HEATR5B: variants seen among roughly 807,000 people sequenced by gnomAD.
HEATR5B encodes the protein HEAT repeat-containing protein 5B.
In HEATR5B, 156 loss-of-function variants were observed where a neutral mutation model predicts 224.1. The ratio of observed to expected loss-of-function variants is 0.70; its 90% confidence interval spans 0.61 to 0.80. HEATR5B has a LOEUF of 0.80. Among genes scored for constraint, HEATR5B ranks in the 30% least tolerant of loss-of-function variants. HEATR5B has a pLI of 0.00. For missense variants in HEATR5B, 2,323 were observed against 2,535.5 expected, an observed-to-expected ratio of 0.92 and a Z score of 1.80; for synonymous variants, 1,027 against 893.0, an observed-to-expected ratio of 1.15 and a Z score of -2.68.
intron 18 of HEATR5B, 38 bp downstream of exon 18, chr2:37,049,615 C>T (rs1486746393): frequency 6.6e-7 from 1 of 1,521,536 alleles, no homozygotes; most frequent in African/African-American, 1.4e-5. Context: ...GACATCTTTG[C>T]CTACACATGA....
chr2:36,998,971 T>C (rs1666905567), intron 33 of HEATR5B, among the ~76,000 whole-genome samples: 1 of 152,050 alleles, frequency 6.6e-6, no homozygotes, highest in African/African-American at 2.4e-5. Context: ...TCCCAGCACT[T>C]TGGGAGGCCG....
chr2:36,984,711 A>G (rs941610402), intron 35 of HEATR5B, among the ~76,000 whole-genome samples: 5 of 152,162 alleles, frequency 3.3e-5, no homozygotes, highest in African/African-American at 1.2e-4. Flanking sequence ...GGGGAGCAGA[A>G]AAAATATTTT....
At position 37,046,812 on chromosome 2, in the gene HEATR5B, G is replaced by T. The variant is rs1247648395; in HGVS notation, c.2696+2841C>A. Among the ~76,000 whole-genome samples, 10 of 151,866 alleles carry T rather than the reference G, an allele frequency of 6.6e-5. No individual in the cohort carries two copies. The East Asian group carries it at 1.4e-3, about 21-fold the overall frequency. On this transcript the variant is annotated intron_variant, in intron 18 of 35. Transcript: ENST00000233099. ...CGGTTGTAATCCCAGCACTTTGGGA[G>T]GCCGAGGCAGGTTGATCACCTAAGG...
chr2:37,015,892 AC>A (rs1668082373), intron 26 of HEATR5B, among the ~76,000 whole-genome samples: 1 of 152,218 alleles, frequency 6.6e-6, no homozygotes, highest in Non-Finnish European at 1.5e-5. Flanking sequence ...ACAGCTTTAA[AC>A]AAAAAAAATA....
chr2:37,047,955 A>T (rs891257757), intron 18 of HEATR5B, among the ~76,000 whole-genome samples: 28 of 152,202 alleles, frequency 1.8e-4, no homozygotes, highest in Non-Finnish European at 3.5e-4. Flanking sequence ...ATATTATGAC[A>T]TTTCATACAG....
intron 20 of HEATR5B, 22 bp from the exon 21 acceptor site, chr2:37,038,046 T>C (rs546735001): frequency 1.4e-6 from 2 of 1,426,248 alleles, no homozygotes; most frequent in East Asian, 5.3e-5. Context: ...TGAAAGAAAA[T>C]ATAAAATATA....
intron 33 of HEATR5B, among the ~76,000 whole-genome samples, chr2:36,994,030 A>T (rs1300497234): frequency 2.0e-5 from 3 of 152,170 alleles, no homozygotes; most frequent in African/African-American, 7.2e-5. Flanking sequence ...CAAATTTGGT[A>T]ATTCTTCTGT....
At chr2:37,063,484 G>A (rs1457193839) in intron 10 of HEATR5B, among the ~76,000 whole-genome samples, 2 of 152,142 alleles carry the variant, frequency 1.3e-5, no homozygotes, top group African/African-American at 4.8e-5. Flanking sequence ...GTCCCTAAGG[G>A]TCTCTGGGCA....
At chr2:37,027,331 T>C (rs1399054820) in intron 24 of HEATR5B, among the ~76,000 whole-genome samples, 3 of 152,192 alleles carry the variant, frequency 2.0e-5, no homozygotes, top group Non-Finnish European at 4.4e-5. Flanking sequence ...GAAATGAAGG[T>C]ACTGGGTCTG....
At chr2:37,041,403 T>C (rs896309841) in intron 18 of HEATR5B, 111 bp from the exon 19 acceptor site, 11 of 983,456 alleles carry the variant, frequency 1.1e-5, no homozygotes, top group Non-Finnish European at 1.5e-5. Flanking sequence ...GAAAAGATTA[T>C]AATCAGTTAC....
At chr2:36,985,458 G>GTTTTTTTT (rs376871419) in intron 35 of HEATR5B, among the ~76,000 whole-genome samples, 1 of 126,718 alleles carries the variant, frequency 7.9e-6, no homozygotes, top group Non-Finnish European at 1.6e-5. Flanking sequence ...CTTTTTTTTG[G>GTTTTTTTT]TTTTTTTTTT....
chr2:37,056,343 C>T (rs1028050708), intron 16 of HEATR5B, 97 bp downstream of exon 16: 4 of 768,418 alleles, frequency 5.2e-6, no homozygotes, highest in Non-Finnish European at 8.0e-6. Flanking sequence ...ATTATAATAA[C>T]TCACTTTATT....
At chr2:37,055,304 A>C (rs1364561260) in intron 16 of HEATR5B, among the ~76,000 whole-genome samples, 1 of 151,856 alleles carries the variant, frequency 6.6e-6, no homozygotes, top group African/African-American at 2.4e-5. Flanking sequence ...TTATATTTTT[A>C]ATAGAATTTA....
At chr2:36,998,453 G>A (rs557698063) in intron 33 of HEATR5B, among the ~76,000 whole-genome samples, 25 of 152,180 alleles carry the variant, frequency 1.6e-4, no homozygotes, top group Admixed American at 3.9e-4. Context: ...TGGTGAGAGC[G>A]TAAATTCATG....
intron 12 of HEATR5B, 105 bp from the exon 13 acceptor site, chr2:37,059,092 T>C (rs1671090631): frequency 3.1e-6 from 2 of 639,446 alleles, no homozygotes; most frequent in Non-Finnish European, 5.2e-6. Flanking sequence ...TTAATTATTA[T>C]AACGTATAAG....
intron 24 of HEATR5B, 119 bp downstream of exon 24, chr2:37,027,804 A>G: frequency 4.0e-6 from 4 of 999,828 alleles, no homozygotes; most frequent in Non-Finnish European, 4.5e-6. Flanking sequence ...GAGAACTTAC[A>G]ATAAATAAAT....
intron 18 of HEATR5B, among the ~76,000 whole-genome samples, chr2:37,046,141 T>C (rs951192394): frequency 6.6e-5 from 10 of 152,200 alleles, no homozygotes; most frequent in African/African-American, 2.4e-4. Flanking sequence ...TATGAAGAAA[T>C]ACTTTTTTAA....
intron 24 of HEATR5B, among the ~76,000 whole-genome samples, chr2:37,021,923 G>C (rs1668486536): frequency 6.6e-6 from 1 of 151,114 alleles, no homozygotes; most frequent in Admixed American, 6.6e-5. Context: ...AGGCTAATCA[G>C]AGCCTCATAG....
intron 2 of HEATR5B, among the ~76,000 whole-genome samples, chr2:37,082,210 C>T (rs993437429): frequency 6.6e-6 from 1 of 151,560 alleles, no homozygotes; most frequent in African/African-American, 2.4e-5. Context: ...GCTGGGATTA[C>T]AGGCGCCCAC....
Sources: allele counts gnomAD v4.1 joint callset (sites outside exome capture counted in the v4.1 genomes callset), GRCh38; gene constraint gnomAD v4.1.1; transcripts MANE v1.5; gene names NCBI Gene and HGNC (gene_info 2026-07-23, HGNC 2026-07-21).